Variants in NXT1 observed in about 807,000 individuals in gnomAD.
NXT1 encodes the protein NTF2-related export protein 1.
NXT1 carries 3 observed loss-of-function variants against 9.9 expected under a neutral mutation model. The ratio of observed to expected loss-of-function variants is 0.30; its 90% confidence interval spans 0.14 to 0.79. The LOEUF (loss-of-function observed/expected upper bound fraction) is 0.79. Ranked by LOEUF, NXT1 falls within the 30% of genes least tolerant of loss-of-function variation. The probability of loss-of-function intolerance (pLI) is 0.63; values close to 1 mark genes in which losing one functional copy is unlikely to be tolerated. For synonymous variants in NXT1, 53 were observed against 66.5 expected (o/e 0.80, Z 0.99); for missense variants, 91 against 178.2 (o/e 0.51, Z 2.79).
In NXT1 at chr20:23,354,094, A is replaced by G; in HGVS notation, c.53A>G (p.Glu18Gly). 6.2e-7 allele frequency: 1 copy of G among 1,614,128 alleles called. No homozygotes were observed. The highest frequency in any genetic ancestry group is 1.3e-5 in the African/African-American group (1 of 75,032). The change falls in exon 2 of 2, where the codon GAG becomes GGG. Residue 18 changes from glutamate (E) to glycine (G), a missense_variant. Glu to Gly is a moderately conservative substitution (Grantham distance 98, BLOSUM62 -2). Coordinates refer to ENST00000254998, the MANE Select transcript of NXT1 (RefSeq NM_013248.3). ...GTGGATCAGGCCTGCAGAGCTGCTGAGGAGTTTGTCAATGTCTACTACACC... is the reference window on the plus strand; with the variant it reads ...GTGGATCAGGCCTGCAGAGCTGCTGGGGAGTTTGTCAATGTCTACTACACC... ...TYVDQACRAA[E>G]EFVNVYYTTM...
chr20:23,354,729 G>T lies in NXT1; in HGVS notation c.*265G>T. 3 of 457,240 alleles carry T rather than the reference G, an allele frequency of 6.6e-6. No homozygotes were observed. The highest frequency in any genetic ancestry group is 3.4e-5 in the South Asian group (1 of 29,632). 28.3% of individuals were successfully genotyped at this position (457,240 alleles called of 1,614,324 possible). On this transcript the variant is annotated 3_prime_UTR_variant, in exon 2 of 2. Transcript: ENST00000254998. ...CTTGCCCAGTAGAGACTCTGATTCT[G>T]GAAATTCTGACAAATAATTTAATAA...
At chr20:23,352,236 G>T (rs1980287769) in intron 1 of NXT1, among the ~76,000 whole-genome samples, 1 of 152,216 alleles carries the variant, frequency 6.6e-6, no homozygotes, top group African/African-American at 2.4e-5. Context: ...GCATCTGCAG[G>T]TGTTGGTATC....
Position 23,354,536 on chromosome 20 carries a change from G to A in NXT1, c.*72G>A, listed in dbSNP as rs2122997743. ...GAGAAATGCAAACCTCGACTCTCAA[G>A]GATGTGAGGAACACAAGTTCATTTC... On this transcript the variant is annotated 3_prime_UTR_variant, in exon 2 of 2. Coordinates refer to ENST00000254998, the MANE Select transcript of NXT1 (RefSeq NM_013248.3). The A allele has an allele frequency of 6.7e-7, 1 of 1,481,658 alleles. No individual in the cohort carries two copies. Among genetic ancestry groups the A allele is most frequent in the South Asian group, 1.3e-5 (1 of 74,948 alleles). 91.8% of individuals were successfully genotyped at this position (1,481,658 alleles called of 1,614,324 possible).
At position 23,354,708 on chromosome 20, in the gene NXT1, C is replaced by T. The variant is rs1980361220; in HGVS notation, c.*244C>T. The T allele has an allele frequency of 2.0e-6, 1 of 506,756 alleles. No homozygotes were observed. Among genetic ancestry groups the T allele is most frequent in the South Asian group, 3.0e-5 (1 of 32,958 alleles). The allele number at this position is 506,756 out of a possible 1,614,324, so 31.4% of individuals were successfully genotyped here. ...GTAAACTTTTCTATTTTTCTACTTG[C>T]CCAGTAGAGACTCTGATTCTGGAAA... On this transcript the variant is annotated 3_prime_UTR_variant, in exon 2 of 2. Transcript: ENST00000254998.
In NXT1 at chr20:23,350,812, G is replaced by A. The variant is rs151073152; in HGVS notation, c.-311G>A. On this transcript the variant is annotated 5_prime_UTR_variant, in exon 1 of 2. Transcript: ENST00000254998. ...GCTCGCGTCTGCGTGGAGACCGGCT[G>A]GCCGCGCGCGGGAAGCCGCGGAACT... The A allele has an allele frequency of 6.6e-6, 1 of 152,250 alleles. No individual in the cohort carries two copies. The highest frequency in any genetic ancestry group is 2.4e-5 in the African/African-American group (1 of 41,466). 9.4% of individuals were successfully genotyped at this position (152,250 alleles called of 1,614,324 possible).
chr20:23,352,518 A>T (rs1980298875), intron 1 of NXT1, among the ~76,000 whole-genome samples: 1 of 148,642 alleles, frequency 6.7e-6, no homozygotes, highest in Admixed American at 6.7e-5. Context: ...TCATTATAAA[A>T]AAAAAAGTCT....
intron 1 of NXT1, among the ~76,000 whole-genome samples, chr20:23,352,462 C>T (rs548663945): frequency 2.0e-5 from 3 of 152,128 alleles, no homozygotes; most frequent in Admixed American, 6.5e-5. Flanking sequence ...AAGTACCTGG[C>T]TCTTTCCAGC....
Position 23,354,407 on chromosome 20 carries a change from C to T in NXT1, c.366C>T (p.Ser122=). The T allele has an allele frequency of 1.9e-6, 3 of 1,614,198 alleles. No homozygotes were observed. The highest frequency in any genetic ancestry group is 2.5e-6 in the Non-Finnish European group (3 of 1,180,040). The change falls in exon 2 of 2, where the codon AGC becomes AGT. Residue 122 remains serine, a synonymous_variant. Transcript: ENST00000254998. Reference sequence around the variant, plus strand: ...TCCTGACCGCCCAGGCCTCACCCAGCAACACAGTGTGGAAGATCGCAAGTG... The same window carrying T: ...TCCTGACCGCCCAGGCCTCACCCAGTAACACAGTGTGGAAGATCGCAAGTG... The part of the protein sequence containing the change: ...NFILTAQASP[S]NTVWKIASDC...
intron 1 of NXT1, among the ~76,000 whole-genome samples, chr20:23,351,813 C>G (rs1233284966): frequency 6.6e-6 from 1 of 152,206 alleles, no homozygotes; most frequent in Admixed American, 6.5e-5. Context: ...AACGATAGAT[C>G]AGGAGTGTAC....
chr20:23,352,612 CTTTT>C (rs76787707), intron 1 of NXT1, among the ~76,000 whole-genome samples: 2 of 151,710 alleles, frequency 1.3e-5, no homozygotes, highest in Non-Finnish European at 1.5e-5. Flanking sequence ...GTAATGTCCT[CTTTT>C]TTTTAAGTGA....
rs1325267502 is a variant in NXT1, at chr20:23,354,037, C to T, written c.-5C>T. ...TGGTGGAGCCCTCCTTCCATAGAAC[C>T]AGAGATGGCATCTGTGGATTTCAAG... On this transcript the variant is annotated 5_prime_UTR_variant, in exon 2 of 2. Transcript: ENST00000254998. 1.0e-5 allele frequency: 16 copies of T among 1,607,980 alleles called. No individual in the cohort carries two copies. Among genetic ancestry groups the T allele is most frequent in the Non-Finnish European group, 1.4e-5 (16 of 1,175,014 alleles).
At chr20:23,351,510 T>C (rs1291249745) in intron 1 of NXT1, 2 of 152,200 alleles carry the variant, frequency 1.3e-5, no homozygotes, top group Non-Finnish European at 2.9e-5. Flanking sequence ...CTGAAAACCG[T>C]AAGTGGAGAT....
chr20:23,352,527 C>CTT (rs78030322), intron 1 of NXT1, among the ~76,000 whole-genome samples: 1 of 146,670 alleles, frequency 6.8e-6, no homozygotes, highest in Admixed American at 6.6e-5. Context: ...AAAAAAAAGT[C>CTT]TTTTTTTTGA....
chr20:23,352,541 G>A (rs1273436253), intron 1 of NXT1, among the ~76,000 whole-genome samples: 3 of 150,312 alleles, frequency 2.0e-5, no homozygotes, highest in African/African-American at 7.3e-5. Context: ...TTTTTGAAAT[G>A]AAAAAAAACT....
intron 1 of NXT1, among the ~76,000 whole-genome samples, chr20:23,352,316 A>C (rs989869854): frequency 8.5e-5 from 13 of 152,124 alleles, no homozygotes; most frequent in Non-Finnish European, 1.9e-4. Context: ...AGTACAGTTG[A>C]GGCTTAACTA....
intron 1 of NXT1, chr20:23,351,473 C>T (rs970708750): frequency 5.9e-5 from 9 of 152,296 alleles, no homozygotes; most frequent in African/African-American, 2.2e-4. Flanking sequence ...TTGACACAGA[C>T]AGCGGGACTG....
chr20:23,354,020 C>T lies in NXT1; in HGVS notation c.-22C>T, dbSNP rs775912635. 3 of 1,601,408 alleles carry T rather than the reference C, an allele frequency of 1.9e-6. No individual in the cohort carries two copies. The highest frequency in any genetic ancestry group is 3.4e-5 in the Admixed American group (2 of 59,608). ...AGGCAGAGGAAATACCCTGGTGGAG[C>T]CCTCCTTCCATAGAACCAGAGATGG... On this transcript the variant is annotated 5_prime_UTR_variant, in exon 2 of 2. Coordinates refer to ENST00000254998, the MANE Select transcript of NXT1 (RefSeq NM_013248.3).
In NXT1 at chr20:23,353,910, A is replaced by C. The variant is rs900679246; in HGVS notation, c.-61-71A>C. 106 of 842,014 alleles carry C rather than the reference A, an allele frequency of 1.3e-4. 1 individual carries two copies. The highest frequency in any genetic ancestry group is 1.7e-4 in the Admixed American group (7 of 40,700). The allele number at this position is 842,014 out of a possible 1,614,324, so 52.2% of individuals were successfully genotyped here. On this transcript the variant is annotated intron_variant, in intron 1 of 1. Transcript: ENST00000254998. The stretch of plus-strand genomic sequence containing the variant: ...ATTTTGCCAGTAGTAGAAAAGGAGG[A>C]ATGTTCCATTGTCAGGGCAGAATGA...
At chr20:23,353,908 G>A (rs1980336988) in intron 1 of NXT1, 73 bp from the exon 2 acceptor site, 1 of 834,936 alleles carries the variant, frequency 1.2e-6, no homozygotes, top group Admixed American at 2.5e-5. Context: ...TAGAAAAGGA[G>A]GAATGTTCCA....
Sources: gnomAD v4.1 joint callset for allele counts (sites outside exome capture counted in the v4.1 genomes callset) on GRCh38, gnomAD v4.1.1 for gene constraint, MANE v1.5 for transcripts, NCBI Gene and HGNC (gene_info 2026-07-23, HGNC 2026-07-21) for gene names.